The following PCDH11X variants were observed in gnomAD, a reference collection of about 807,000 sequenced individuals.
PCDH11X encodes protocadherin-11 X-linked.
Under a neutral mutation model 53.3 loss-of-function variants are expected in PCDH11X, and 18 were observed. That is an observed-to-expected ratio of 0.34 (90% CI 0.23 to 0.50). PCDH11X has a LOEUF of 0.50. PCDH11X is among the 20% of genes least tolerant of loss of function. PCDH11X has a pLI of 0.98. For synonymous variants in PCDH11X, 279 were observed against 393.3 expected (o/e 0.71, Z 3.44); for missense variants, 570 against 1,032.4 (o/e 0.55, Z 6.14).
At chrX:91,997,369 T>C (rs186501270) in intron 6 of PCDH11X, among the ~76,000 whole-genome samples, 4 of 111,579 alleles carry the variant, frequency 3.6e-5, no homozygotes, top group African/African-American at 1.3e-4. Flanking sequence ...AAGATTCTTA[T>C]TATGTTATGT....
At chrX:92,567,288 C>T (rs1921592829) in intron 10 of PCDH11X, among the ~76,000 whole-genome samples, 1 of 91,843 alleles carries the variant, frequency 1.1e-5, no homozygotes, top group African/African-American at 4.0e-5. Flanking sequence ...TTGTTTGTGT[C>T]CTCCCTGATT....
intron 4 of PCDH11X, among the ~76,000 whole-genome samples, chrX:91,822,601 T>G (rs1936734109): frequency 9.6e-6 from 1 of 104,327 alleles, no homozygotes; most frequent in Non-Finnish European, 2.0e-5. Flanking sequence ...TCTATCAATT[T>G]TGTTGATCCT....
chrX:92,393,533 CA>C (rs1232065639), intron 9 of PCDH11X, among the ~76,000 whole-genome samples: 1 of 110,654 alleles, frequency 9.0e-6, no homozygotes, highest in African/African-American at 3.3e-5. Flanking sequence ...GCCTTGCCAA[CA>C]GAAAACAATA....
At chrX:92,396,244 A>C (rs1489722403) in intron 9 of PCDH11X, among the ~76,000 whole-genome samples, 1 of 108,613 alleles carries the variant, frequency 9.2e-6, no homozygotes, top group Non-Finnish European at 1.9e-5. Flanking sequence ...AAAGTGCATA[A>C]ACAGAATCTC....
intron 10 of PCDH11X, among the ~76,000 whole-genome samples, chrX:92,479,179 A>C (rs2148671597): frequency 9.1e-6 from 1 of 110,231 alleles, no homozygotes; most frequent in African/African-American, 3.3e-5. Context: ...ATTAGGATTG[A>C]AATCCCTGCT....
intron 6 of PCDH11X, among the ~76,000 whole-genome samples, chrX:92,104,602 G>A (rs1602933662): frequency 9.0e-6 from 1 of 111,012 alleles, no homozygotes; most frequent in Middle Eastern, 4.6e-3. Context: ...AAAATAAGAC[G>A]CTTAGATTTT....
chrX:92,121,981 GT>G (rs746833949), intron 6 of PCDH11X, among the ~76,000 whole-genome samples: 1,317 of 69,406 alleles, frequency 0.019, 22 homozygotes, highest in African/African-American at 0.066. Context: ...AGTCATTTCT[GT>G]TTTTTTTTTT....
intron 7 of PCDH11X, among the ~76,000 whole-genome samples, chrX:92,235,900 T>TA (rs940718859): frequency 9.0e-6 from 1 of 111,069 alleles, no homozygotes; most frequent in African/African-American, 3.3e-5. Context: ...AAAAACATGT[T>TA]ATCACGGTAT....
chrX:92,487,494 C>T (rs1258332044), intron 10 of PCDH11X, among the ~76,000 whole-genome samples: 1 of 110,670 alleles, frequency 9.0e-6, no homozygotes, highest in African/African-American at 3.3e-5. Flanking sequence ...GATTCTAAAA[C>T]AAAAAGTTCC....
At chrX:91,827,783 C>G (rs1307228732) in intron 4 of PCDH11X, among the ~76,000 whole-genome samples, 2 of 110,875 alleles carry the variant, frequency 1.8e-5, no homozygotes, top group Admixed American at 1.9e-4. Context: ...TATATCTGGG[C>G]TCTCTATTCT....
intron 6 of PCDH11X, chrX:91,983,178 T>C (rs1386759704): frequency 1.1e-6 from 1 of 888,942 alleles, no homozygotes; most frequent in African/African-American, 2.0e-5. Flanking sequence ...AGCATCTTTT[T>C]TCCCCCAGTC....
At chrX:92,223,761 G>A (rs2066920975) in intron 7 of PCDH11X, among the ~76,000 whole-genome samples, 2 of 111,437 alleles carry the variant, frequency 1.8e-5, no homozygotes, top group Non-Finnish European at 3.8e-5. Flanking sequence ...GATTACTGTG[G>A]ATTCTATTAC....
chrX:91,935,899 A>T (rs1443638882), intron 6 of PCDH11X, among the ~76,000 whole-genome samples: 1 of 110,122 alleles, frequency 9.1e-6, no homozygotes, highest in Non-Finnish European at 1.9e-5. Context: ...TAGAAAGGAA[A>T]GTCTAGATTA....
At chrX:92,133,803 A>C (rs775598621) in intron 6 of PCDH11X, among the ~76,000 whole-genome samples, 116 of 112,575 alleles carry the variant, frequency 1.0e-3, no homozygotes, top group African/African-American at 3.6e-3. Context: ...TAAACCAAAA[A>C]GTATCTGAGA....
At chrX:92,042,628 T>C (rs753152084) in intron 6 of PCDH11X, among the ~76,000 whole-genome samples, 88 of 92,851 alleles carry the variant, frequency 9.5e-4, no homozygotes, top group Middle Eastern at 0.011. Context: ...AGCTATAAAG[T>C]TGTTGCTTTT....
intron 8 of PCDH11X, among the ~76,000 whole-genome samples, chrX:92,354,367 A>G (rs1181269873): frequency 9.5e-6 from 1 of 105,739 alleles, no homozygotes; most frequent in Non-Finnish European, 1.9e-5. Flanking sequence ...AAGATGCAGT[A>G]TCTTATATTT....
chrX:91,841,050 G>C (rs1279127399), intron 5 of PCDH11X, among the ~76,000 whole-genome samples: 1 of 110,350 alleles, frequency 9.1e-6, no homozygotes, highest in East Asian at 2.8e-4. Flanking sequence ...AAAAGCAAAA[G>C]AGATGACAAT....
At chrX:92,363,776 A>T (rs2070399019) in intron 8 of PCDH11X, among the ~76,000 whole-genome samples, 1 of 111,330 alleles carries the variant, frequency 9.0e-6, no homozygotes, top group Admixed American at 9.5e-5. Context: ...ATTGAATATG[A>T]TATTAGCTGC....
At chrX:91,825,267 C>T (rs1936870398) in intron 4 of PCDH11X, among the ~76,000 whole-genome samples, 1 of 110,399 alleles carries the variant, frequency 9.1e-6, no homozygotes, top group Non-Finnish European at 1.9e-5. Context: ...GGTGCCCCTC[C>T]CCCAGCCTCG....
Sources: gnomAD v4.1 joint callset for allele counts (sites outside exome capture counted in the v4.1 genomes callset) on GRCh38, gnomAD v4.1.1 for gene constraint, MANE v1.5 for transcripts, NCBI Gene and HGNC (gene_info 2026-07-23, HGNC 2026-07-21) for gene names.